Variants in FAM13A observed in about 807,000 individuals in gnomAD.
FAM13A encodes protein FAM13A.
FAM13A carries 76 observed loss-of-function variants against 129.6 expected under a neutral mutation model. The observed-to-expected ratio is 0.59, with a 90% confidence interval of 0.49 to 0.71. The LOEUF is 0.71. Among genes scored for constraint, FAM13A ranks in the 30% least tolerant of loss-of-function variants. FAM13A has a pLI of 0.00. For missense variants in FAM13A, 1,108 were observed against 1,249.3 expected (o/e 0.89, Z 1.70); for synonymous variants, 443 against 449.9 (o/e 0.98, Z 0.20).
At position 89,040,048 on chromosome 4, in the gene FAM13A, T is replaced by C. The variant is rs1443521883; in HGVS notation, c.28-10399A>G. On this transcript the variant is annotated intron_variant, in intron 1 of 23. Coordinates refer to ENST00000264344, the MANE Select transcript of FAM13A (RefSeq NM_014883.4). ...GTATTGGATATTAGACAGTGTAACT[T>C]TAAATATTTTAGGTATAATACCATA... Among the ~76,000 whole-genome samples the C allele has an allele frequency of 2.0e-5, 3 of 151,762 alleles. No homozygotes were observed. In the South Asian group the frequency reaches 6.2e-4, roughly 31 times the overall value.
At chr4:88,768,519 T>C (rs528852250) in intron 11 of FAM13A, 1 of 155,436 alleles carries the variant, frequency 6.4e-6, no homozygotes, top group South Asian at 1.9e-4. Context: ...TTATGTATAT[T>C]CAGTGTACAT....
chr4:88,799,052 A>G (rs1726851702), intron 8 of FAM13A, among the ~76,000 whole-genome samples: 1 of 152,242 alleles, frequency 6.6e-6, no homozygotes, highest in East Asian at 1.9e-4. Context: ...ACATTGTTAG[A>G]ATTAAACCCA....
At chr4:88,924,149 A>C (rs191939743) in intron 5 of FAM13A, among the ~76,000 whole-genome samples, 1 of 152,334 alleles carries the variant, frequency 6.6e-6, no homozygotes, top group Admixed American at 6.5e-5. Context: ...TATACCTTCA[A>C]TGCCATCCCC....
intron 2 of FAM13A, among the ~76,000 whole-genome samples, chr4:89,028,410 T>C (rs1768260995): frequency 6.6e-6 from 1 of 151,810 alleles, no homozygotes; most frequent in Non-Finnish European, 1.5e-5. Flanking sequence ...TGGCTGAGCA[T>C]CATGGCTCAT....
intron 2 of FAM13A, among the ~76,000 whole-genome samples, 155 bp from the exon 3 acceptor site, chr4:89,020,824 T>G (rs543740823): frequency 6.6e-6 from 1 of 152,330 alleles, no homozygotes; most frequent in South Asian, 2.1e-4. Context: ...TGTAAAACTT[T>G]CCTTAGAATA....
At chr4:89,042,022 G>A (rs1770207789) in intron 1 of FAM13A, among the ~76,000 whole-genome samples, 3 of 151,840 alleles carry the variant, frequency 2.0e-5, no homozygotes, top group Admixed American at 1.3e-4. Flanking sequence ...GCGCTGGTAG[G>A]GAACAAAGTG....
Position 89,055,024 on chromosome 4 carries a change from G to A in FAM13A, c.27+1914C>T, listed in dbSNP as rs1772045816. ...GCCCTTCTTTGAATCTCATATTTGA[G>A]GGGCTCTCATATCCATATACATATT... On this transcript the variant is annotated intron_variant, in intron 1 of 23. Transcript: ENST00000264344. Among the ~76,000 whole-genome samples the A allele has an allele frequency of 5.3e-5, 8 of 152,208 alleles. No individual in the cohort carries two copies. In the South Asian group the frequency reaches 1.5e-3, roughly 28 times the overall value.
chr4:88,897,607 G>A (rs1746574553), intron 6 of FAM13A, among the ~76,000 whole-genome samples: 1 of 152,062 alleles, frequency 6.6e-6, no homozygotes, highest in Non-Finnish European at 1.5e-5. Context: ...AACTGTCCAA[G>A]GCAAATACGG....
At chr4:89,012,141 A>C (rs949987775) in intron 3 of FAM13A, among the ~76,000 whole-genome samples, 3 of 152,222 alleles carry the variant, frequency 2.0e-5, no homozygotes, top group Admixed American at 6.5e-5. Context: ...TTAATCCTAA[A>C]TTAAATGAAT....
At chr4:88,823,177 C>G (rs1381958637) in intron 7 of FAM13A, 1 of 1,467,866 alleles carries the variant, frequency 6.8e-7, no homozygotes, top group African/African-American at 1.4e-5. Context: ...CTGCTGCTCT[C>G]AGCCTCCAAA....
chr4:88,851,002 T>G lies in FAM13A; in HGVS notation c.1007+18A>C, dbSNP rs772010967. On this transcript the variant is annotated intron_variant, in intron 7 of 23. Coordinates refer to ENST00000264344, the MANE Select transcript of FAM13A (RefSeq NM_014883.4). ...AATAATGCAATATGGATTGTGTAGATAAAGAAAACATGCCAACCTGGGTAC... is the reference window on the plus strand; with the variant it reads ...AATAATGCAATATGGATTGTGTAGAGAAAGAAAACATGCCAACCTGGGTAC... 6.2e-7 allele frequency: 1 copy of G among 1,612,814 alleles called. No homozygotes were observed. The highest frequency in any genetic ancestry group is 1.1e-5 in the South Asian group (1 of 91,026).
At chr4:89,038,087 T>C (rs997419730) in intron 1 of FAM13A, among the ~76,000 whole-genome samples, 1 of 152,244 alleles carries the variant, frequency 6.6e-6, no homozygotes, top group Admixed American at 6.5e-5. Flanking sequence ...CTTTTAATGA[T>C]GACACACTAT....
chr4:88,891,793 G>A (rs1230628365), intron 6 of FAM13A, among the ~76,000 whole-genome samples: 1 of 152,180 alleles, frequency 6.6e-6, no homozygotes, highest in East Asian at 1.9e-4. Context: ...ACAGATATGA[G>A]AGAGCCTCCT....
chr4:88,819,892 T>C lies in FAM13A; in HGVS notation c.1008-14840A>G, dbSNP rs536153178. ...AATAAGATCCTGTCTTTAAGCCATG[T>C]AGTGAATCATTAAGAACTGAGGACT... On this transcript the variant is annotated intron_variant, in intron 7 of 23. Coordinates refer to ENST00000264344, the MANE Select transcript of FAM13A (RefSeq NM_014883.4). 2.4e-4 allele frequency among the ~76,000 whole-genome samples: 36 copies of C among 152,322 alleles called. No homozygotes were observed. The South Asian group carries it at 6.4e-3, about 27-fold the overall frequency.
At chr4:88,999,192 A>G (rs1459787889) in intron 3 of FAM13A, among the ~76,000 whole-genome samples, 1 of 152,220 alleles carries the variant, frequency 6.6e-6, no homozygotes, top group Non-Finnish European at 1.5e-5. Context: ...CCTATAACCA[A>G]AACAAACTCC....
intron 4 of FAM13A, among the ~76,000 whole-genome samples, chr4:88,975,829 G>C (rs1215076329): frequency 6.6e-6 from 1 of 152,188 alleles, no homozygotes; most frequent in Non-Finnish European, 1.5e-5. Flanking sequence ...GTGAGATAAA[G>C]TATGGTACAG....
At chr4:88,759,048 C>T in intron 13 of FAM13A, 147 bp from the exon 14 acceptor site, 1 of 772,022 alleles carries the variant, frequency 1.3e-6, no homozygotes. Flanking sequence ...GGCTTGATGC[C>T]CCCCGGATCC....
chr4:89,057,052 A>G lies in FAM13A; in HGVS notation c.-88T>C, dbSNP rs1029752587. The G allele has an allele frequency of 1.1e-5, 17 of 1,588,334 alleles. No individual in the cohort carries two copies. In the Middle Eastern group the frequency reaches 8.4e-4, roughly 79 times the overall value. Reference sequence around the variant, plus strand: ...AATACTAAAATTCCATTCAGCACATATTCTTTGATGTGAAAAACAGCTCCC... The same window carrying G: ...AATACTAAAATTCCATTCAGCACATGTTCTTTGATGTGAAAAACAGCTCCC... On this transcript the variant is annotated 5_prime_UTR_variant, in exon 1 of 24. Coordinates refer to ENST00000264344, the MANE Select transcript of FAM13A (RefSeq NM_014883.4).
chr4:88,881,860 A>C (rs982569323), intron 6 of FAM13A, among the ~76,000 whole-genome samples: 6 of 152,180 alleles, frequency 3.9e-5, no homozygotes, highest in African/African-American at 1.4e-4. Flanking sequence ...CGATAGAATC[A>C]AACAGGTAGA....
Sources: gnomAD v4.1 joint callset for allele counts (sites outside exome capture counted in the v4.1 genomes callset) on GRCh38, gnomAD v4.1.1 for gene constraint, MANE v1.5 for transcripts, NCBI Gene and HGNC (gene_info 2026-07-23, HGNC 2026-07-21) for gene names.